The following DLGAP2 variants were observed in gnomAD, a reference collection of about 807,000 sequenced individuals.
The protein encoded by DLGAP2 is disks large-associated protein 2.
A neutral mutation model predicts 100.3 loss-of-function variants in DLGAP2; 26 were observed. That is an observed-to-expected ratio of 0.26 (90% CI 0.19 to 0.36). The LOEUF is 0.36. Ranked by LOEUF, DLGAP2 falls within the 10% of genes least tolerant of loss-of-function variation. The probability of loss-of-function intolerance (pLI) is 1.00; values close to 1 mark genes in which losing one functional copy is unlikely to be tolerated. For synonymous variants in DLGAP2, 886 were observed against 630.1 expected (o/e 1.41, Z -6.08); for missense variants, 1,858 against 1,453.2 (o/e 1.28, Z -4.53).
At chr8:1,565,609 G>A in intron 5 of DLGAP2, 74 bp from the exon 6 acceptor site, 4 of 1,216,384 alleles carry the variant, frequency 3.3e-6, no homozygotes, top group Non-Finnish European at 4.6e-6. Context: ...TAGAGGATTT[G>A]TTTCCAAAAA....
chr8:1,118,243 G>T (rs1038876077), intron 2 of DLGAP2, among the ~76,000 whole-genome samples: 3 of 152,204 alleles, frequency 2.0e-5, no homozygotes, highest in Non-Finnish European at 4.4e-5. Flanking sequence ...TAAGTAGGAT[G>T]TGAGCTCGGG....
At chr8:1,218,025 A>G (rs1233123346) in intron 2 of DLGAP2, among the ~76,000 whole-genome samples, 1 of 151,850 alleles carries the variant, frequency 6.6e-6, no homozygotes, top group Non-Finnish European at 1.5e-5. Flanking sequence ...ATTTGCAGAT[A>G]TTTTCTCCCA....
At chr8:1,495,779 T>C (rs1360767452) in intron 3 of DLGAP2, among the ~76,000 whole-genome samples, 1 of 152,208 alleles carries the variant, frequency 6.6e-6, no homozygotes, top group Non-Finnish European at 1.5e-5. Flanking sequence ...CCCCGTATGC[T>C]TTCGCTTTCT....
intron 1 of DLGAP2, among the ~76,000 whole-genome samples, chr8:855,070 G>A (rs1488974814): frequency 6.6e-6 from 1 of 152,172 alleles, no homozygotes; most frequent in Non-Finnish European, 1.5e-5. Context: ...GCCGAGTGGT[G>A]GGGAGGAGGC....
chr8:1,090,887 A>G (rs1288416915), intron 2 of DLGAP2, among the ~76,000 whole-genome samples: 1 of 152,220 alleles, frequency 6.6e-6, no homozygotes, highest in African/African-American at 2.4e-5. Context: ...CATTTTCTAT[A>G]ATTTCTATGA....
chr8:1,602,175 C>T (rs1472133901), intron 6 of DLGAP2, among the ~76,000 whole-genome samples: 1 of 152,122 alleles, frequency 6.6e-6, no homozygotes, highest in Admixed American at 6.5e-5. Context: ...AACACATATT[C>T]GATATTAATG....
chr8:1,478,708 G>A (rs921084802), intron 3 of DLGAP2, among the ~76,000 whole-genome samples: 3 of 152,078 alleles, frequency 2.0e-5, no homozygotes, highest in African/African-American at 4.8e-5. Context: ...GACCTGGTCC[G>A]GGACATGGCA....
At chr8:898,989 A>T (rs947678726) in intron 1 of DLGAP2, among the ~76,000 whole-genome samples, 1 of 152,238 alleles carries the variant, frequency 6.6e-6, no homozygotes, top group Non-Finnish European at 1.5e-5. Flanking sequence ...GCGTGGGTCC[A>T]GCAGAAGGTG....
Position 1,344,084 on chromosome 8 carries a change from G to A in DLGAP2, c.106+85201G>A, listed in dbSNP as rs76314509. On this transcript the variant is annotated intron_variant, in intron 3 of 14. Coordinates refer to ENST00000637795, the MANE Select transcript of DLGAP2 (RefSeq NM_001346810.2). ...TAATGGAGTAATGCCTGCAAATGTC[G>A]TACTCGGGGCCCTGTCGTGGGTCCA... Among the ~76,000 whole-genome samples, 881 of 149,410 alleles carry A rather than the reference G, an allele frequency of 5.9e-3. 5 individuals carry two copies. Among genetic ancestry groups the A allele is most frequent in the Middle Eastern group, 0.017 (5 of 292 alleles).
At chr8:811,482 T>C (rs111512181) in intron 1 of DLGAP2, among the ~76,000 whole-genome samples, 5 of 115,480 alleles carry the variant, frequency 4.3e-5, no homozygotes, top group Non-Finnish European at 5.2e-5. Flanking sequence ...ATCTGGGGGC[T>C]CAGCCAGGGC....
At chr8:1,077,588 G>T (rs1803662988) in intron 2 of DLGAP2, among the ~76,000 whole-genome samples, 1 of 152,190 alleles carries the variant, frequency 6.6e-6, no homozygotes, top group Non-Finnish European at 1.5e-5. Flanking sequence ...AAGAAGGTGA[G>T]ATGGTGTATG....
chr8:1,576,480 C>G (rs1191479349), intron 6 of DLGAP2, among the ~76,000 whole-genome samples: 1 of 152,124 alleles, frequency 6.6e-6, no homozygotes. Flanking sequence ...TAATTAGATC[C>G]CATTTGTCAA....
intron 2 of DLGAP2, among the ~76,000 whole-genome samples, chr8:1,241,773 C>G (rs1326125027): frequency 6.6e-6 from 1 of 151,546 alleles, no homozygotes; most frequent in Non-Finnish European, 1.5e-5. Flanking sequence ...ATTCTGGAAA[C>G]CTTCAGGTTG....
rs369551861 is a variant in DLGAP2, at chr8:1,571,805, C to T, written c.1442+5911C>T. Among the ~76,000 whole-genome samples, 164 of 85,598 alleles carry T rather than the reference C, an allele frequency of 1.9e-3. 4 individuals carry two copies. The highest frequency in any genetic ancestry group is 7.6e-3 in the African/African-American group (149 of 19,716). The allele number at this position is 85,598 out of a possible 152,430, so 56.2% of individuals were successfully genotyped here. A position where few individuals can be genotyped will look rare whatever the true frequency, so the allele number is the denominator to read the frequency against. On this transcript the variant is annotated intron_variant, in intron 6 of 14. Coordinates refer to ENST00000637795, the MANE Select transcript of DLGAP2 (RefSeq NM_001346810.2). ...AGAGGAGACGGGGTGAACTATGGGG[C>T]GTCTGATGAGATGGAGAGGAGAGAG...
chr8:1,590,072 G>T (rs149150759), intron 6 of DLGAP2, among the ~76,000 whole-genome samples: 1 of 152,276 alleles, frequency 6.6e-6, no homozygotes, highest in African/African-American at 2.4e-5. Flanking sequence ...AGTGTCCGTG[G>T]CTGTGGGTGC....
At chr8:1,408,894 G>A (rs1483934551) in intron 3 of DLGAP2, among the ~76,000 whole-genome samples, 2 of 152,184 alleles carry the variant, frequency 1.3e-5, no homozygotes, top group Non-Finnish European at 2.9e-5. Flanking sequence ...GGTCCATGAT[G>A]CCTGTCTGCC....
chr8:1,335,235 G>A (rs960653006), intron 3 of DLGAP2, among the ~76,000 whole-genome samples: 16 of 152,192 alleles, frequency 1.1e-4, no homozygotes, highest in Admixed American at 6.5e-4. Flanking sequence ...GAGGCTTCGA[G>A]CTCCAAACCA....
At chr8:1,156,020 C>G (rs965236348) in intron 2 of DLGAP2, among the ~76,000 whole-genome samples, 2 of 152,174 alleles carry the variant, frequency 1.3e-5, no homozygotes, top group African/African-American at 2.4e-5. Context: ...TGACTTTCTG[C>G]AGCTGCTGCT....
chr8:1,451,493 C>G (rs772251952), intron 3 of DLGAP2, among the ~76,000 whole-genome samples: 1 of 133,622 alleles, frequency 7.5e-6, no homozygotes, highest in African/African-American at 2.8e-5. Flanking sequence ...CTTGATCCTT[C>G]CCTACCTCAG....
Sources: gnomAD v4.1 joint callset for allele counts (sites outside exome capture counted in the v4.1 genomes callset) on GRCh38, gnomAD v4.1.1 for gene constraint, MANE v1.5 for transcripts, NCBI Gene and HGNC (gene_info 2026-07-23, HGNC 2026-07-21) for gene names.